The following CLMN variants were observed in gnomAD, a reference collection of about 807,000 sequenced individuals.
CLMN encodes calmin, also known as calmin (calponin-like, transmembrane).
A neutral mutation model predicts 92.7 loss-of-function variants in CLMN; 57 were observed. That is an observed-to-expected ratio of 0.61 (90% CI 0.50 to 0.77). The LOEUF is 0.77. Ranked by LOEUF, CLMN falls within the 30% of genes least tolerant of loss-of-function variation. The pLI, the probability that CLMN is intolerant of heterozygous loss-of-function variation, is 0.00. For missense variants in CLMN, 1,158 were observed against 1,237.5 expected, an observed-to-expected ratio of 0.94 and a Z score of 0.96; for synonymous variants, 466 against 470.6, an observed-to-expected ratio of 0.99 and a Z score of 0.13.
At chr14:95,254,882 A>G (rs1898932525) in intron 1 of CLMN, among the ~76,000 whole-genome samples, 1 of 152,124 alleles carries the variant, frequency 6.6e-6, no homozygotes, top group Admixed American at 6.5e-5. Flanking sequence ...TTTTGTAGAG[A>G]CAGGGTCTCG....
At chr14:95,193,945 C>G in intron 11 of CLMN, 26 bp from the exon 12 acceptor site, 1 of 1,608,134 alleles carries the variant, frequency 6.2e-7, no homozygotes, top group Non-Finnish European at 8.5e-7. Context: ...TAAACAAAAG[C>G]CCCCGCAACC....
rs1897919867 is a variant in CLMN, at chr14:95,232,433, C to A, written c.83-2300G>T. ...ATTTCTGTAACAACGGGACTTTTTTCCTCTTGGCCTCATTATTTGGCAGAA... is the reference window on the plus strand; with the variant it reads ...ATTTCTGTAACAACGGGACTTTTTTACTCTTGGCCTCATTATTTGGCAGAA... On this transcript the variant is annotated intron_variant, in intron 1 of 12. Transcript: ENST00000298912. Among the ~76,000 whole-genome samples the A allele has an allele frequency of 1.3e-5, 2 of 152,180 alleles. 1 individual carries two copies. The highest frequency in any genetic ancestry group is 4.1e-4 in the South Asian group (2 of 4,830).
At position 95,319,608 on chromosome 14, in the gene CLMN, G is replaced by T. The variant is rs181776963; in HGVS notation, c.82+103C>A. ...GAGGCAAGTGACAGGAACAACGAGC[G>T]GCCGGCGAGCGGGGGCGGCGCGGGG... On this transcript the variant is annotated intron_variant, in intron 1 of 12. Coordinates refer to ENST00000298912, the MANE Select transcript of CLMN (RefSeq NM_024734.4). The T allele has an allele frequency of 5.0e-4, 460 of 929,272 alleles. No homozygotes were observed. In the African/African-American group the frequency reaches 7.4e-3, roughly 15 times the overall value. The allele number at this position is 929,272 out of a possible 1,614,324, so 57.6% of individuals were successfully genotyped here.
Position 95,191,588 on chromosome 14 carries a change from T to C in CLMN, c.2985A>G (p.Pro995=). 1.9e-6 allele frequency: 3 copies of C among 1,613,214 alleles called. No homozygotes were observed. Among genetic ancestry groups the C allele is most frequent in the Non-Finnish European group, 2.5e-6 (3 of 1,179,716 alleles). ...ATCAGAGCCTGCTAACATCCAGTTG[T>C]GGGAAGAGCAGCAAGCAGTACACCA... ...WLLVYCLLLF[P]QLDVSRL is the part of the protein sequence containing the mutation. Residue 995 remains proline, a synonymous_variant, in exon 13 of 13, where the codon CCA becomes CCG. Coordinates refer to ENST00000298912, the MANE Select transcript of CLMN (RefSeq NM_024734.4). The surrounding 1 kb of genome is among the most constrained non-coding windows in gnomAD (Gnocchi z 5.3).
chr14:95,276,779 T>C (rs1396739855), intron 1 of CLMN, among the ~76,000 whole-genome samples: 1 of 152,176 alleles, frequency 6.6e-6, no homozygotes, highest in Non-Finnish European at 1.5e-5. Flanking sequence ...CCTTGCCAGG[T>C]GGATACTGGA....
chr14:95,210,811 T>G lies in CLMN; in HGVS notation c.677A>C (p.Lys226Thr). The G allele has an allele frequency of 1.3e-6, 2 of 1,588,074 alleles. No homozygotes were observed. The highest frequency in any genetic ancestry group is 1.9e-5 in the Admixed American group (1 of 53,134). ...RSGLAFLAVI[K>T]AIDPSLVDMK... Reference sequence around the variant, plus strand: ...GTCCACCAGGCTGGGGTCAATGGCCTTGATCACCGCCAGGAAAGCCAGCCC... The same window carrying G: ...GTCCACCAGGCTGGGGTCAATGGCCGTGATCACCGCCAGGAAAGCCAGCCC... The change falls in exon 7 of 13, where the codon AAG becomes ACG. Residue 226 changes from lysine (K) to threonine (T), a missense_variant. Coordinates refer to ENST00000298912, the MANE Select transcript of CLMN (RefSeq NM_024734.4).
At chr14:95,262,730 C>A (rs1448395280) in intron 1 of CLMN, among the ~76,000 whole-genome samples, 1 of 152,114 alleles carries the variant, frequency 6.6e-6, no homozygotes, top group Admixed American at 6.5e-5. Context: ...CCATGCCCGG[C>A]TAATTTTTGT....
At chr14:95,297,917 T>C (rs1407122876) in intron 1 of CLMN, among the ~76,000 whole-genome samples, 1 of 152,184 alleles carries the variant, frequency 6.6e-6, no homozygotes. Context: ...TCCATTTCCC[T>C]TGGCAAATAC....
chr14:95,210,032 T>C (rs773282778), intron 7 of CLMN, among the ~76,000 whole-genome samples: 1 of 151,938 alleles, frequency 6.6e-6, no homozygotes, highest in Non-Finnish European at 1.5e-5. Context: ...CCTCAATGTC[T>C]ACCAGTAGTG....
chr14:95,260,226 G>A (rs1335782144), intron 1 of CLMN, among the ~76,000 whole-genome samples: 1 of 152,138 alleles, frequency 6.6e-6, no homozygotes, highest in Non-Finnish European at 1.5e-5. Context: ...CAGATCACGA[G>A]GTCAGGAGAT....
At chr14:95,261,511 G>A (rs948827132) in intron 1 of CLMN, among the ~76,000 whole-genome samples, 8 of 152,184 alleles carry the variant, frequency 5.3e-5, no homozygotes, top group Non-Finnish European at 1.0e-4. Context: ...GTTTCTCCTG[G>A]GCATCTTGCT....
At chr14:95,255,334 A>C (rs1299475158) in intron 1 of CLMN, among the ~76,000 whole-genome samples, 3 of 152,156 alleles carry the variant, frequency 2.0e-5, no homozygotes, top group African/African-American at 7.2e-5. Context: ...TGGGGTCTGA[A>C]AATAGGTGAG....
intron 9 of CLMN, among the ~76,000 whole-genome samples, chr14:95,201,008 TGGGGGTCG>T (rs2140569654): frequency 1.0e-4 from 1 of 9,612 alleles, no homozygotes; most frequent in South Asian, 3.1e-3. Flanking sequence ...CCGGGGCCTG[TGGGGGTCG>T]GGGGCTAGGG....
chr14:95,277,583 T>A (rs1234060634), intron 1 of CLMN, among the ~76,000 whole-genome samples: 1 of 152,258 alleles, frequency 6.6e-6, no homozygotes, highest in Non-Finnish European at 1.5e-5. Flanking sequence ...GACTGCCCAA[T>A]GCTGTAGCTT....
intron 1 of CLMN, among the ~76,000 whole-genome samples, chr14:95,271,524 C>T (rs1023163453): frequency 2.6e-5 from 4 of 152,134 alleles, no homozygotes; most frequent in Non-Finnish European, 4.4e-5. Context: ...AAATGATGAT[C>T]ACAGAATGAA....
intron 1 of CLMN, among the ~76,000 whole-genome samples, chr14:95,306,800 T>A (rs1190241513): frequency 6.6e-6 from 1 of 152,148 alleles, no homozygotes; most frequent in African/African-American, 2.4e-5. Context: ...TTATCAAAAT[T>A]ATGATGAAAA....
chr14:95,267,640 T>C (rs574519863), intron 1 of CLMN, among the ~76,000 whole-genome samples: 20 of 152,162 alleles, frequency 1.3e-4, no homozygotes, highest in Admixed American at 1.2e-3. Flanking sequence ...AAAATAGAAG[T>C]ACCTTATGAT....
chr14:95,189,918 A>G lies in CLMN; in HGVS notation c.*1646T>C, dbSNP rs1216248128. 1.3e-5 allele frequency: 2 copies of G among 152,196 alleles called. No individual in the cohort carries two copies. Among genetic ancestry groups the G allele is most frequent in the Non-Finnish European group, 2.9e-5 (2 of 68,042 alleles). The allele number at this position is 152,196 out of a possible 1,614,324, so 9.4% of individuals were successfully genotyped here. ...CAGATTTTGGCTGTCATCGACTCAG[A>G]TGTGCTATGTAAATTCTTCTGGCCA... is the stretch of plus-strand genomic sequence containing the variant. On this transcript the variant is annotated 3_prime_UTR_variant, in exon 13 of 13. Transcript: ENST00000298912.
chr14:95,318,735 T>C (rs1201144696), intron 1 of CLMN, among the ~76,000 whole-genome samples: 3 of 151,804 alleles, frequency 2.0e-5, no homozygotes, highest in Non-Finnish European at 4.4e-5. Flanking sequence ...CACAGGTCAA[T>C]GTGGGTGAAG....
Sources: allele counts gnomAD v4.1 joint callset (sites outside exome capture counted in the v4.1 genomes callset), GRCh38; gene constraint gnomAD v4.1.1; non-coding constraint Gnocchi (gnomAD v3.1); transcripts MANE v1.5; gene names NCBI Gene and HGNC (gene_info 2026-07-23, HGNC 2026-07-21).